INPP4B: variants seen among roughly 807,000 people sequenced by gnomAD.
The protein encoded by INPP4B is inositol polyphosphate 4-phosphatase type II.
A neutral mutation model predicts 122.5 loss-of-function variants in INPP4B; 55 were observed. The observed-to-expected ratio is 0.45, with a 90% CI of 0.36 to 0.56. INPP4B has a LOEUF of 0.56. INPP4B is among the 20% of genes least tolerant of loss of function. The probability of loss-of-function intolerance (pLI) is 0.00; values close to 1 mark genes in which losing one functional copy is unlikely to be tolerated. For missense variants in INPP4B, 1,000 were observed against 1,097.7 expected, an observed-to-expected ratio of 0.91 and a Z score of 1.26; for synonymous variants, 403 against 388.7, an observed-to-expected ratio of 1.04 and a Z score of -0.43.
intron 25 of INPP4B, among the ~76,000 whole-genome samples, chr4:142,062,645 A>G (rs1268751415): frequency 6.6e-6 from 1 of 152,038 alleles, no homozygotes; most frequent in East Asian, 1.9e-4. Context: ...CTGAGGCAGG[A>G]GAATCACTTG....
At chr4:142,326,816 T>C (rs1772561917) in intron 7 of INPP4B, among the ~76,000 whole-genome samples, 1 of 152,244 alleles carries the variant, frequency 6.6e-6, no homozygotes, top group Non-Finnish European at 1.5e-5. Flanking sequence ...TGTCTTTTTT[T>C]ACTTGTATTA....
chr4:142,627,288 T>C (rs935352028), intron 2 of INPP4B, among the ~76,000 whole-genome samples: 87 of 151,172 alleles, frequency 5.8e-4, no homozygotes, highest in Admixed American at 1.9e-3. Context: ...TCCAACACTA[T>C]GTTGAATAGG....
At chr4:142,800,292 A>T (rs953816704) in intron 1 of INPP4B, among the ~76,000 whole-genome samples, 3 of 152,150 alleles carry the variant, frequency 2.0e-5, no homozygotes, top group East Asian at 3.9e-4. Context: ...GCAAACAAAC[A>T]CACTGCTTGT....
intron 2 of INPP4B, among the ~76,000 whole-genome samples, chr4:142,716,503 T>C (rs953825774): frequency 6.6e-6 from 1 of 152,160 alleles, no homozygotes; most frequent in African/African-American, 2.4e-5. Context: ...GAACAAAAAA[T>C]TACTGGCTGC....
chr4:142,440,617 AG>A (rs2149437274), intron 3 of INPP4B, among the ~76,000 whole-genome samples: 1 of 152,306 alleles, frequency 6.6e-6, no homozygotes, highest in African/African-American at 2.4e-5. Context: ...GGGAAATACA[AG>A]CCCTATTAAC....
At chr4:142,492,489 G>C (rs1429377575) in intron 2 of INPP4B, among the ~76,000 whole-genome samples, 1 of 152,152 alleles carries the variant, frequency 6.6e-6, no homozygotes, top group African/African-American at 2.4e-5. Flanking sequence ...CTAGAGACTT[G>C]TTGAATGGCT....
intron 7 of INPP4B, among the ~76,000 whole-genome samples, chr4:142,322,951 A>G (rs1458395576): frequency 6.6e-6 from 1 of 152,212 alleles, no homozygotes; most frequent in Non-Finnish European, 1.5e-5. Context: ...GTAAAGAACT[A>G]TTGCTATAAA....
chr4:142,487,277 C>G (rs1821315731), intron 2 of INPP4B, among the ~76,000 whole-genome samples: 1 of 151,986 alleles, frequency 6.6e-6, no homozygotes, highest in African/African-American at 2.4e-5. Flanking sequence ...TGTAAATTGC[C>G]CAGTCTCAGG....
intron 1 of INPP4B, among the ~76,000 whole-genome samples, chr4:142,819,304 T>C (rs901217676): frequency 3.3e-5 from 5 of 152,172 alleles, no homozygotes; most frequent in Admixed American, 2.0e-4. Flanking sequence ...CCTTATCATA[T>C]GGCCTGCAGA....
chr4:142,565,797 T>C (rs1025619579), intron 2 of INPP4B, among the ~76,000 whole-genome samples: 1 of 152,148 alleles, frequency 6.6e-6, no homozygotes, highest in Non-Finnish European at 1.5e-5. Flanking sequence ...TTTTCAGTAA[T>C]GGAATAAATT....
chr4:142,648,774 G>A (rs1311414466), intron 2 of INPP4B, among the ~76,000 whole-genome samples: 1 of 152,098 alleles, frequency 6.6e-6, no homozygotes, highest in Non-Finnish European at 1.5e-5. Flanking sequence ...GCAGCAGACA[G>A]CTTCTTTTTT....
At chr4:142,586,340 A>T (rs981347143) in intron 2 of INPP4B, among the ~76,000 whole-genome samples, 10 of 152,032 alleles carry the variant, frequency 6.6e-5, no homozygotes, top group African/African-American at 1.9e-4. Context: ...AAAAACAACA[A>T]CAACAACGAC....
chr4:142,095,391 T>C (rs531527364), intron 23 of INPP4B, among the ~76,000 whole-genome samples: 1 of 152,290 alleles, frequency 6.6e-6, no homozygotes, highest in African/African-American at 2.4e-5. Context: ...AATTTGTTAA[T>C]TGTCTTTAAT....
At chr4:142,178,080 C>T (rs766552833) in intron 15 of INPP4B, among the ~76,000 whole-genome samples, 1 of 152,230 alleles carries the variant, frequency 6.6e-6, no homozygotes, top group Non-Finnish European at 1.5e-5. Flanking sequence ...CTGTTCACAG[C>T]TCCAGCTTAA....
intron 23 of INPP4B, among the ~76,000 whole-genome samples, chr4:142,096,662 A>T (rs1211516852): frequency 1.3e-5 from 2 of 152,178 alleles, no homozygotes; most frequent in Non-Finnish European, 2.9e-5. Context: ...AATGCTAAAA[A>T]AGCATTAAAA....
At chr4:142,215,070 A>G (rs1846531389) in intron 12 of INPP4B, among the ~76,000 whole-genome samples, 1 of 152,190 alleles carries the variant, frequency 6.6e-6, no homozygotes, top group Admixed American at 6.5e-5. Context: ...TCTAAGTTAT[A>G]GGATATCAGA....
intron 1 of INPP4B, chr4:142,767,775 C>G (rs557529670): frequency 3.4e-4 from 51 of 152,238 alleles, no homozygotes; most frequent in African/African-American, 1.2e-3. Flanking sequence ...CAAGAGTGTA[C>G]AGAATGCCTC....
intron 7 of INPP4B, among the ~76,000 whole-genome samples, chr4:142,366,677 C>G (rs908643274): frequency 6.6e-6 from 1 of 152,086 alleles, no homozygotes; most frequent in Non-Finnish European, 1.5e-5. Flanking sequence ...TTTCTTACAG[C>G]ATCTTACAGG....
chr4:142,119,466 A>G (rs1795464151), intron 21 of INPP4B, among the ~76,000 whole-genome samples: 1 of 152,124 alleles, frequency 6.6e-6, no homozygotes, highest in African/African-American at 2.4e-5. Flanking sequence ...CTATGCAGCC[A>G]TAAAAAAAGA....
Sources: allele counts gnomAD v4.1 joint callset (sites outside exome capture counted in the v4.1 genomes callset), GRCh38; gene constraint gnomAD v4.1.1; transcripts MANE v1.5; gene names NCBI Gene and HGNC (gene_info 2026-07-23, HGNC 2026-07-21).